The following ZNF282 variants were observed in gnomAD, a reference collection of about 807,000 sequenced individuals.
ZNF282 encodes HTLV-I U5 repressive element-binding protein 1.
In ZNF282, 30 loss-of-function variants were observed where a neutral mutation model predicts 61.9. The observed-to-expected ratio is 0.48, with a 90% CI of 0.36 to 0.66. The LOEUF (loss-of-function observed/expected upper bound fraction) is 0.66. ZNF282 is among the 30% of genes least tolerant of loss of function. The probability of loss-of-function intolerance (pLI) is 0.00; values close to 1 mark genes in which losing one functional copy is unlikely to be tolerated. For missense variants in ZNF282, 788 were observed against 941.4 expected (o/e 0.84, Z 2.13); for synonymous variants, 396 against 405.0 (o/e 0.98, Z 0.27).
intron 5 of ZNF282, among the ~76,000 whole-genome samples, chr7:149,211,883 A>C (rs893578173): frequency 1.3e-5 from 2 of 152,246 alleles, no homozygotes; most frequent in Admixed American, 1.3e-4. Context: ...GAAGAAAGAG[A>C]GTATAGGGTC....
Position 149,225,265 on chromosome 7 carries a change from G to C in ZNF282, c.*618G>C, listed in dbSNP as rs888707865. ...GAAGGGGCGCGCGCTGCCCAACCGCGCTCTCCGCCTACCTCCGCTGCTCGG... is the reference window on the plus strand; with the variant it reads ...GAAGGGGCGCGCGCTGCCCAACCGCCCTCTCCGCCTACCTCCGCTGCTCGG... On this transcript the variant is annotated 3_prime_UTR_variant, in exon 8 of 8. Transcript: ENST00000610704. The C allele has an allele frequency of 6.5e-6, 1 of 153,134 alleles. No homozygotes were observed. Among genetic ancestry groups the C allele is most frequent in the Non-Finnish European group, 1.5e-5 (1 of 68,528 alleles). 9.5% of individuals were successfully genotyped at this position (153,134 alleles called of 1,614,324 possible). A position where few individuals can be genotyped will look rare whatever the true frequency, so the allele number is the denominator to read the frequency against.
rs556469866 is a variant in ZNF282 at position 149,213,967 on chromosome 7, A to T, written c.1180+153A>T. 5.0e-6 allele frequency: 3 copies of T among 596,828 alleles called. No homozygotes were observed. In the South Asian group the frequency reaches 6.2e-5, roughly 12 times the overall value. The allele number at this position is 596,828 out of a possible 1,614,324, so 37.0% of individuals were successfully genotyped here. ...CAAAGTTCTGCACCAAAGCACTCCC[A>T]TTCTTTTTGGAGTGTGATATTGTAT... On this transcript the variant is annotated intron_variant, in intron 7 of 7. Coordinates refer to ENST00000610704, the MANE Select transcript of ZNF282 (RefSeq NM_003575.4).
At chr7:149,202,681 C>T (rs1795930160) in intron 2 of ZNF282, among the ~76,000 whole-genome samples, 1 of 151,472 alleles carries the variant, frequency 6.6e-6, no homozygotes. Context: ...AAACTCCTGA[C>T]CTCAAGTGAT....
intron 7 of ZNF282, among the ~76,000 whole-genome samples, chr7:149,214,136 A>G (rs956950719): frequency 2.6e-5 from 4 of 152,152 alleles, no homozygotes; most frequent in Non-Finnish European, 4.4e-5. Flanking sequence ...TGAAGTCTGT[A>G]TGGGATTCCT....
intron 4 of ZNF282, among the ~76,000 whole-genome samples, chr7:149,209,746 A>C (rs1196666483): frequency 6.6e-6 from 1 of 152,054 alleles, no homozygotes; most frequent in African/African-American, 2.4e-5. Context: ...CTGGTGCCTG[A>C]GCCTCCTCTT....
intron 2 of ZNF282, 69 bp from the exon 3 acceptor site, chr7:149,206,627 C>T: frequency 1.2e-6 from 2 of 1,604,008 alleles, no homozygotes; most frequent in Non-Finnish European, 1.7e-6. Context: ...GTCTTGTGGC[C>T]CGCAGGAGAA....
intron 4 of ZNF282, 57 bp downstream of exon 4, chr7:149,207,527 C>T (rs1181904690): frequency 1.9e-6 from 3 of 1,547,960 alleles, no homozygotes; most frequent in South Asian, 1.2e-5. Context: ...GGACAGCCGG[C>T]TTTCCGCACA....
chr7:149,216,962 A>G (rs1796168006), intron 7 of ZNF282, among the ~76,000 whole-genome samples: 1 of 152,216 alleles, frequency 6.6e-6, no homozygotes, highest in Non-Finnish European at 1.5e-5. Context: ...GTTAATGTAC[A>G]TCAGTGCCTC....
At chr7:149,205,555 T>C (rs1795979421) in intron 2 of ZNF282, among the ~76,000 whole-genome samples, 1 of 145,900 alleles carries the variant, frequency 6.9e-6, no homozygotes, top group African/African-American at 2.4e-5. Flanking sequence ...CTAGTTCTGA[T>C]TGTAAAGATG....
intron 7 of ZNF282, among the ~76,000 whole-genome samples, chr7:149,220,877 C>T (rs963936056): frequency 2.7e-5 from 4 of 148,404 alleles, no homozygotes; most frequent in Non-Finnish European, 3.0e-5. Flanking sequence ...CCACTAGAGA[C>T]GTGGGCCAGG....
chr7:149,217,498 A>G (rs1796176449), intron 7 of ZNF282, among the ~76,000 whole-genome samples: 1 of 152,134 alleles, frequency 6.6e-6, no homozygotes, highest in Non-Finnish European at 1.5e-5. Flanking sequence ...CGGGAGGCGG[A>G]GGTTGCAGTG....
chr7:149,215,178 T>C (rs1325485214), intron 7 of ZNF282, among the ~76,000 whole-genome samples: 1 of 150,886 alleles, frequency 6.6e-6, no homozygotes, highest in Non-Finnish European at 1.5e-5. Context: ...GTGTGTTCCC[T>C]GTCCATATTT....
At chr7:149,199,463 C>G (rs1029846651) in intron 2 of ZNF282, among the ~76,000 whole-genome samples, 1 of 152,086 alleles carries the variant, frequency 6.6e-6, no homozygotes, top group African/African-American at 2.4e-5. Flanking sequence ...CAGCTCTCCC[C>G]CCTCTGCTGG....
In ZNF282 at chr7:149,199,718, T is replaced by G. The variant is rs188946200; in HGVS notation, c.585+966T>G. 1.6e-4 allele frequency among the ~76,000 whole-genome samples: 24 copies of G among 152,318 alleles called. No homozygotes were observed. In the East Asian group the frequency reaches 4.4e-3, roughly 28 times the overall value. On this transcript the variant is annotated intron_variant, in intron 2 of 7. Coordinates refer to ENST00000610704, the MANE Select transcript of ZNF282 (RefSeq NM_003575.4). ...AATAAAAATAGACAGAATAGTATAA[T>G]GGGTCCCCATGTATCCAAATTCCAG...
At chr7:149,195,857 C>T (rs1277938162) in intron 1 of ZNF282, 103 bp downstream of exon 1, 4 of 1,082,334 alleles carry the variant, frequency 3.7e-6, no homozygotes, top group Non-Finnish European at 4.6e-6. Context: ...CTTGCGGCGC[C>T]CTCCCAGCTT....
At chr7:149,207,574 G>C (rs1796016680) in intron 4 of ZNF282, 104 bp downstream of exon 4, 1 of 1,493,314 alleles carries the variant, frequency 6.7e-7, no homozygotes, top group South Asian at 1.3e-5. Flanking sequence ...TGCACCATGG[G>C]GCGAGGGTCT....
At chr7:149,200,601 ATTTATTTT>A (rs751351935) in intron 2 of ZNF282, among the ~76,000 whole-genome samples, 193 of 151,446 alleles carry the variant, frequency 1.3e-3, no homozygotes, top group Non-Finnish European at 2.0e-3. Context: ...TTATTTATTT[ATTTATTTT>A]TTTTGAGACA....
chr7:149,214,602 G>A (rs558170330), intron 7 of ZNF282, among the ~76,000 whole-genome samples: 1 of 152,252 alleles, frequency 6.6e-6, no homozygotes, highest in South Asian at 2.1e-4. Flanking sequence ...GGCTGAGGTG[G>A]AAGGATCTCT....
At position 149,224,168 on chromosome 7, in the gene ZNF282, G is replaced by T. The variant is rs779816578; in HGVS notation, c.1537G>T (p.Ala513Ser). The part of the protein sequence containing the change: ...GLRRSLLLHG[A>S]RSKPYSCPEC... ...GCGGCGGAGCCTCCTCCTGCACGGCGCCCGCAGCAAGCCCTACTCGTGCCC... is the reference window on the plus strand; with the variant it reads ...GCGGCGGAGCCTCCTCCTGCACGGCTCCCGCAGCAAGCCCTACTCGTGCCC... Residue 513 changes from alanine (A) to serine (S), a missense_variant, in exon 8 of 8, where the codon GCC becomes TCC. By Grantham distance (99) the Ala-to-Ser change is moderately conservative. This residue lies in a region of ZNF282 where 559 missense variants were observed against 642.0 expected (regional missense o/e 0.87). Transcript: ENST00000610704. 5.0e-6 allele frequency: 8 copies of T among 1,587,732 alleles called. No homozygotes were observed. Among genetic ancestry groups the T allele is most frequent in the Non-Finnish European group, 5.1e-6 (6 of 1,172,494 alleles).
Sources: gnomAD v4.1 joint callset for allele counts (sites outside exome capture counted in the v4.1 genomes callset) on GRCh38, gnomAD v4.1.1 for gene constraint, gnomAD v4.1.1 regional missense constraint, MANE v1.5 for transcripts, NCBI Gene and HGNC (gene_info 2026-07-23, HGNC 2026-07-21) for gene names.